ACTN2: variants seen among roughly 807,000 people sequenced by gnomAD.
ACTN2 encodes the protein alpha-actinin-2.
ACTN2 carries 39 observed loss-of-function variants against 113.8 expected under a neutral mutation model. The ratio of observed to expected loss-of-function variants is 0.34; its 90% CI spans 0.27 to 0.45. The LOEUF (loss-of-function observed/expected upper bound fraction) is 0.45, where lower values mean the gene tolerates loss of function less well. Among genes scored for constraint, ACTN2 ranks in the 20% least tolerant of loss-of-function variants. ACTN2 has a pLI of 1.00. For missense variants in ACTN2, 992 were observed against 1,177.9 expected, an observed-to-expected ratio of 0.84 and a Z score of 2.31; for synonymous variants, 429 against 444.1, an observed-to-expected ratio of 0.97 and a Z score of 0.43.
chr1:236,759,074 A>C lies in ACTN2; in HGVS notation c.2302-650A>C, dbSNP rs549807829. Among the ~76,000 whole-genome samples the C allele has an allele frequency of 1.8e-3, 279 of 152,296 alleles. 1 individual carries two copies. Among genetic ancestry groups the C allele is most frequent in the African/African-American group, 6.4e-3 (268 of 41,574 alleles). On this transcript the variant is annotated intron_variant, in intron 18 of 20. Coordinates refer to ENST00000366578, the MANE Select transcript of ACTN2 (RefSeq NM_001103.4). Reference sequence around the variant, plus strand: ...GCCTTTTGGAGGATTCAGACAGTGGACTTCTGATCAGAGAGCTAGGCATAA... The same window carrying C: ...GCCTTTTGGAGGATTCAGACAGTGGCCTTCTGATCAGAGAGCTAGGCATAA...
chr1:236,729,857 G>A (rs1031559318), intron 6 of ACTN2, among the ~76,000 whole-genome samples: 1 of 152,202 alleles, frequency 6.6e-6, no homozygotes, highest in South Asian at 2.1e-4. Flanking sequence ...ATTATGGTCA[G>A]TTTGTATTAC....
intron 13 of ACTN2, 29 bp downstream of exon 13, chr1:236,747,804 G>A: frequency 6.6e-6 from 10 of 1,519,870 alleles, no homozygotes; most frequent in Non-Finnish European, 9.1e-6. Flanking sequence ...TTGTTGACAT[G>A]AAATCTTTTA....
intron 1 of ACTN2, 146 bp from the exon 2 acceptor site, chr1:236,717,712 T>C: frequency 2.9e-6 from 2 of 679,418 alleles, no homozygotes; most frequent in South Asian, 1.6e-5. Context: ...AGTTCTTCTT[T>C]CCATCAAATT....
chr1:236,710,126 C>T (rs1657981164), intron 1 of ACTN2, among the ~76,000 whole-genome samples: 1 of 152,200 alleles, frequency 6.6e-6, no homozygotes, highest in Admixed American at 6.5e-5. Flanking sequence ...GGGTCCCCGT[C>T]TGTGTACCTA....
At chr1:236,743,983 C>G (rs1659151221) in intron 11 of ACTN2, among the ~76,000 whole-genome samples, 1 of 152,154 alleles carries the variant, frequency 6.6e-6, no homozygotes, top group Non-Finnish European at 1.5e-5. Flanking sequence ...AATACATGAA[C>G]ATTTGCTTTC....
chr1:236,707,254 A>G (rs1207506219), intron 1 of ACTN2, among the ~76,000 whole-genome samples: 1 of 152,254 alleles, frequency 6.6e-6, no homozygotes, highest in Non-Finnish European at 1.5e-5. Flanking sequence ...GGGTATGAAT[A>G]CTTGTGATGA....
At chr1:236,759,942 T>C (rs1659657031) in intron 19 of ACTN2, among the ~76,000 whole-genome samples, 153 bp downstream of exon 19, 1 of 152,216 alleles carries the variant, frequency 6.6e-6, no homozygotes, top group African/African-American at 2.4e-5. Flanking sequence ...CTCACTGTTA[T>C]TATATAAAAA....
intron 10 of ACTN2, 46 bp downstream of exon 10, chr1:236,739,578 C>A (rs1004584899): frequency 6.3e-7 from 1 of 1,599,838 alleles, no homozygotes; most frequent in African/African-American, 1.3e-5. Flanking sequence ...GGAAGCCCTC[C>A]TTCTAGCCTA....
At position 236,744,776 on chromosome 1, in the gene ACTN2, A is replaced by G. The variant is rs767473165; in HGVS notation, c.1406A>G (p.Asn469Ser). The G allele has an allele frequency of 6.2e-7, 1 of 1,614,116 alleles. No homozygotes were observed. Among genetic ancestry groups the G allele is most frequent in the Non-Finnish European group, 8.5e-7 (1 of 1,180,002 alleles). Residue 469 changes from asparagine (N) to serine (S), a missense_variant and splice_region_variant, in exon 12 of 21, where the codon AAT becomes AGT. Asn to Ser is a conservative substitution (Grantham distance 46). Coordinates refer to ENST00000366578, the MANE Select transcript of ACTN2 (RefSeq NM_001103.4). ...EQIAAIAQEL[N>S]ELDYHDAVNV... ...ATCGCAGCCATCGCGCAGGAGCTCA[A>G]GTATGTGCAGATGCCCTCCGTCCTC...
chr1:236,731,875 A>G (rs1022169336), intron 7 of ACTN2, among the ~76,000 whole-genome samples: 4 of 152,190 alleles, frequency 2.6e-5, no homozygotes, highest in Admixed American at 1.3e-4. Context: ...GCACTTCAGT[A>G]TCACTCATTC....
intron 1 of ACTN2, among the ~76,000 whole-genome samples, chr1:236,708,165 C>CT (rs1225357005): frequency 6.6e-6 from 1 of 151,964 alleles, no homozygotes; most frequent in Non-Finnish European, 1.5e-5. Context: ...ACCATGTTAT[C>CT]TAACAGGACC....
intron 6 of ACTN2, among the ~76,000 whole-genome samples, chr1:236,728,842 T>G (rs985461394): frequency 1.3e-5 from 2 of 152,054 alleles, no homozygotes; most frequent in African/African-American, 4.8e-5. Context: ...TGCAGTGGAC[T>G]GTGATCACAC....
intron 1 of ACTN2, among the ~76,000 whole-genome samples, chr1:236,689,592 A>T (rs990976977): frequency 1.3e-5 from 2 of 152,010 alleles, no homozygotes; most frequent in Non-Finnish European, 2.9e-5. Context: ...ACTCCTGGCC[A>T]TTCTCCCACC....
intron 1 of ACTN2, among the ~76,000 whole-genome samples, chr1:236,715,457 G>T (rs1414939507): frequency 2.0e-5 from 3 of 151,672 alleles, no homozygotes; most frequent in African/African-American, 4.9e-5. Context: ...ATTATCTATA[G>T]TGTTGTCCAG....
intron 1 of ACTN2, among the ~76,000 whole-genome samples, chr1:236,694,143 C>G (rs1452019020): frequency 6.6e-6 from 1 of 152,116 alleles, no homozygotes; most frequent in Non-Finnish European, 1.5e-5. Context: ...GGGCTATGAG[C>G]AGTAGCTCTT....
chr1:236,764,216 G>A lies in ACTN2; in HGVS notation c.*1597G>A, dbSNP rs568637890. 6.6e-6 allele frequency: 1 copy of A among 152,174 alleles called. No homozygotes were observed. Among genetic ancestry groups the A allele is most frequent in the Non-Finnish European group, 1.5e-5 (1 of 68,028 alleles). The allele number at this position is 152,174 out of a possible 1,614,324, so 9.4% of individuals were successfully genotyped here. On this transcript the variant is annotated 3_prime_UTR_variant, in exon 21 of 21. Coordinates refer to ENST00000366578, the MANE Select transcript of ACTN2 (RefSeq NM_001103.4). ...TTGCTTCATTATTAAGTAATTGGTA[G>A]TTTCCAGATTCCTGAAATATTTGAA... is the stretch of plus-strand genomic sequence containing the variant.
intron 7 of ACTN2, among the ~76,000 whole-genome samples, chr1:236,732,437 T>TTTC (rs543015651): frequency 2.4e-4 from 32 of 132,812 alleles, no homozygotes; most frequent in African/African-American, 3.4e-4. Flanking sequence ...TTTTATTTTT[T>TTTC]ATTTTTTATT....
chr1:236,738,121 T>C (rs1335888653), intron 9 of ACTN2, among the ~76,000 whole-genome samples: 1 of 152,238 alleles, frequency 6.6e-6, no homozygotes, highest in Non-Finnish European at 1.5e-5. Context: ...GCAATTGTCC[T>C]GCCTCAGCCT....
chr1:236,710,227 G>T (rs1336092286), intron 1 of ACTN2, among the ~76,000 whole-genome samples: 1 of 152,200 alleles, frequency 6.6e-6, no homozygotes, highest in East Asian at 1.9e-4. Flanking sequence ...TTGATTAAAA[G>T]ACTTTTCCTA....
Sources: gnomAD v4.1 joint callset for allele counts (sites outside exome capture counted in the v4.1 genomes callset) on GRCh38, gnomAD v4.1.1 for gene constraint, MANE v1.5 for transcripts, NCBI Gene and HGNC (gene_info 2026-07-23, HGNC 2026-07-21) for gene names.